Variants in PPP1R9A observed in about 807,000 individuals in gnomAD.
PPP1R9A encodes protein phosphatase 1 regulatory subunit 9A, also known as neurabin-1.
A neutral mutation model predicts 141.9 loss-of-function variants in PPP1R9A; 59 were observed. The observed-to-expected ratio is 0.42, with a 90% CI of 0.34 to 0.52. The LOEUF (loss-of-function observed/expected upper bound fraction) is 0.52, where lower values mean the gene tolerates loss of function less well. PPP1R9A is among the 20% of genes least tolerant of loss of function. PPP1R9A has a pLI of 0.10. For synonymous variants in PPP1R9A, 500 were observed against 569.7 expected, an observed-to-expected ratio of 0.88 and a Z score of 1.74; for missense variants, 1,444 against 1,611.9, an observed-to-expected ratio of 0.90 and a Z score of 1.78.
At chr7:94,985,081 T>C (rs1800639793) in intron 2 of PPP1R9A, among the ~76,000 whole-genome samples, 1 of 152,356 alleles carries the variant, frequency 6.6e-6, no homozygotes, top group Non-Finnish European at 1.5e-5. Flanking sequence ...TGCCTTCATT[T>C]TGTTATTTAC....
In PPP1R9A at chr7:95,051,041, T is replaced by C. The variant is rs189777435; in HGVS notation, c.1396-60218T>C. ...AAAAAGTCATCACTATCCAGAGTTA[T>C]CTAGATTTTCTCCTACATTGTCTTC... On this transcript the variant is annotated intron_variant, in intron 2 of 19. Coordinates refer to ENST00000433360, the MANE Select transcript of PPP1R9A (RefSeq NM_001166160.2). 1.5e-4 allele frequency among the ~76,000 whole-genome samples: 23 copies of C among 152,286 alleles called. No individual in the cohort carries two copies. In the East Asian group the frequency reaches 3.9e-3, roughly 26 times the overall value.
chr7:95,108,332 T>TC lies in PPP1R9A; in HGVS notation c.1396-2927_1396-2926insC, dbSNP rs1190369848. On this transcript the variant is annotated intron_variant, in intron 2 of 19. Transcript: ENST00000433360. Reference sequence around the variant, plus strand: ...CTTTTTTTTTTTTTTTTTTTTTTTTTTGAGACAGTCTCGCTCTGTCACCCA... The same window carrying TC: ...CTTTTTTTTTTTTTTTTTTTTTTTTTCTGAGACAGTCTCGCTCTGTCACCCA... 1.2e-3 allele frequency among the ~76,000 whole-genome samples: 161 copies of TC among 139,994 alleles called. 1 individual carries two copies. The highest frequency in any genetic ancestry group is 4.3e-3 in the African/African-American group (156 of 36,172). The allele number at this position is 139,994 out of a possible 152,430, so 91.8% of individuals were successfully genotyped here. A position where few individuals can be genotyped will look rare whatever the true frequency, so the allele number is the denominator to read the frequency against.
In PPP1R9A at chr7:95,183,683, G is replaced by A. The variant is rs1437438160; in HGVS notation, c.1755-14666G>A. 7.3e-5 allele frequency among the ~76,000 whole-genome samples: 11 copies of A among 151,676 alleles called. No homozygotes were observed. In the South Asian group the frequency reaches 1.7e-3, roughly 23 times the overall value. ...AGGATGGTCTCGATCTCTTGACTTCGTGGTCCACCCGCCTCGGGCTCCCAA... is the reference window on the plus strand; with the variant it reads ...AGGATGGTCTCGATCTCTTGACTTCATGGTCCACCCGCCTCGGGCTCCCAA... On this transcript the variant is annotated intron_variant, in intron 5 of 19. Coordinates refer to ENST00000433360, the MANE Select transcript of PPP1R9A (RefSeq NM_001166160.2).
intron 2 of PPP1R9A, among the ~76,000 whole-genome samples, chr7:95,072,928 C>CATATATATTATATATTGCAT (rs1554493284): frequency 1.1e-4 from 13 of 119,282 alleles, no homozygotes; most frequent in African/African-American, 4.2e-4. Flanking sequence ...TTATATATTG[C>CATATATATTATATATTGCAT]ATATATATTA....
At chr7:95,238,036 A>G (rs1796949785) in intron 8 of PPP1R9A, among the ~76,000 whole-genome samples, 1 of 152,126 alleles carries the variant, frequency 6.6e-6, no homozygotes, top group Admixed American at 6.6e-5. Flanking sequence ...ACTTAGTCTT[A>G]GGTTATTTTT....
At position 95,292,791 on chromosome 7, in the gene PPP1R9A, G is replaced by A. The variant is rs1429135691; in HGVS notation, c.*2488G>A. ...GGTTTGATTGCCCCACAAAGCATAA[G>A]ATGTAAACTGATTAAGGGTATGAAA... On this transcript the variant is annotated 3_prime_UTR_variant, in exon 20 of 20. Coordinates refer to ENST00000433360, the MANE Select transcript of PPP1R9A (RefSeq NM_001166160.2). 2 of 152,156 alleles carry A rather than the reference G, an allele frequency of 1.3e-5. No homozygotes were observed. Among genetic ancestry groups the A allele is most frequent in the Admixed American group, 6.5e-5 (1 of 15,272 alleles). The allele number at this position is 152,156 out of a possible 1,614,324, so 9.4% of individuals were successfully genotyped here. A position where few individuals can be genotyped will look rare whatever the true frequency, so the allele number is the denominator to read the frequency against.
chr7:95,082,319 G>A (rs775891864), intron 2 of PPP1R9A, among the ~76,000 whole-genome samples: 10 of 152,200 alleles, frequency 6.6e-5, no homozygotes, highest in Non-Finnish European at 1.3e-4. Context: ...ACATGCATGT[G>A]TAGAGCTGTG....
intron 8 of PPP1R9A, among the ~76,000 whole-genome samples, chr7:95,231,151 CAAAG>C (rs934729984): frequency 3.3e-5 from 5 of 151,938 alleles, no homozygotes; most frequent in Non-Finnish European, 7.4e-5. Context: ...TAAAAAAAGA[CAAAG>C]AGAGAAATTA....
At chr7:95,075,149 A>C (rs1003027442) in intron 2 of PPP1R9A, among the ~76,000 whole-genome samples, 1 of 152,068 alleles carries the variant, frequency 6.6e-6, no homozygotes, top group East Asian at 1.9e-4. Context: ...CTCTTCCTTT[A>C]TAGTCATATA....
At chr7:94,990,119 A>C (rs1250028340) in intron 2 of PPP1R9A, among the ~76,000 whole-genome samples, 1 of 152,096 alleles carries the variant, frequency 6.6e-6, no homozygotes, top group East Asian at 1.9e-4. Flanking sequence ...TGGGTGATGT[A>C]ATATAAAGAG....
intron 2 of PPP1R9A, among the ~76,000 whole-genome samples, chr7:95,096,844 G>A (rs997696744): frequency 1.3e-5 from 2 of 151,910 alleles, no homozygotes; most frequent in Non-Finnish European, 2.9e-5. Flanking sequence ...CCCCCAACCC[G>A]CCTTATGTTT....
At chr7:95,039,709 A>C (rs567698410) in intron 2 of PPP1R9A, among the ~76,000 whole-genome samples, 1 of 151,742 alleles carries the variant, frequency 6.6e-6, no homozygotes, top group South Asian at 2.1e-4. Context: ...CCCAAATTGA[A>C]ATGTAAGGGA....
intron 16 of PPP1R9A, among the ~76,000 whole-genome samples, chr7:95,278,754 C>T (rs1375903865): frequency 1.3e-5 from 2 of 152,140 alleles, no homozygotes; most frequent in Non-Finnish European, 2.9e-5. Context: ...TCTTCAATAA[C>T]ATCTTCATAG....
At chr7:95,208,241 A>G (rs909029054) in intron 7 of PPP1R9A, among the ~76,000 whole-genome samples, 54 of 152,208 alleles carry the variant, frequency 3.5e-4, no homozygotes, top group African/African-American at 1.3e-3. Context: ...GATTTATGAC[A>G]TAGATTACAC....
chr7:94,957,693 A>G (rs1376062586), intron 2 of PPP1R9A, among the ~76,000 whole-genome samples: 1 of 152,050 alleles, frequency 6.6e-6, no homozygotes, highest in African/African-American at 2.4e-5. Flanking sequence ...TGTTGATTTC[A>G]TGGAGATATA....
At chr7:95,225,870 T>C in intron 7 of PPP1R9A, 91 bp from the exon 8 acceptor site, 1 of 1,366,596 alleles carries the variant, frequency 7.3e-7, no homozygotes. Flanking sequence ...TTTGGGTACA[T>C]GTCTTACTTG....
chr7:95,197,869 G>C (rs185650665), intron 5 of PPP1R9A, among the ~76,000 whole-genome samples: 1 of 150,848 alleles, frequency 6.6e-6, no homozygotes, highest in East Asian at 2.3e-4. Context: ...GGCTGCTCTC[G>C]AACTCCGGGC....
intron 2 of PPP1R9A, among the ~76,000 whole-genome samples, chr7:95,108,376 C>T (rs146359791): frequency 0.015 from 1,886 of 129,208 alleles, 35 homozygotes; most frequent in African/African-American, 0.054. Context: ...TGCAGTGGCG[C>T]GGGAGCTCAC....
intron 2 of PPP1R9A, among the ~76,000 whole-genome samples, chr7:94,913,453 A>T (rs1791693619): frequency 6.6e-6 from 1 of 152,208 alleles, no homozygotes; most frequent in Non-Finnish European, 1.5e-5. Flanking sequence ...CAAGAATAAG[A>T]TTTCTAAAAC....
Sources: allele counts gnomAD v4.1 joint callset (sites outside exome capture counted in the v4.1 genomes callset), GRCh38; gene constraint gnomAD v4.1.1; transcripts MANE v1.5; gene names NCBI Gene and HGNC (gene_info 2026-07-23, HGNC 2026-07-21).